Variants in NTN1 observed in about 807,000 individuals in gnomAD.
NTN1 encodes netrin-1.
In NTN1, 11 loss-of-function variants were observed where a neutral mutation model predicts 54.2. The ratio of observed to expected loss-of-function variants is 0.20; its 90% CI spans 0.13 to 0.34. NTN1 has a LOEUF of 0.34. Among genes scored for constraint, NTN1 ranks in the 10% least tolerant of loss-of-function variants. The pLI, the probability that NTN1 is intolerant of heterozygous loss-of-function variation, is 1.00. For missense variants in NTN1, 740 were observed against 893.1 expected, an observed-to-expected ratio of 0.83 and a Z score of 2.18; for synonymous variants, 371 against 382.0, an observed-to-expected ratio of 0.97 and a Z score of 0.33.
intron 2 of NTN1, among the ~76,000 whole-genome samples, chr17:9,048,679 CAG>C (rs1433642562): frequency 2.0e-5 from 3 of 150,704 alleles, no homozygotes; most frequent in African/African-American, 7.3e-5. Flanking sequence ...TTTTTTGAGA[CAG>C]AGTCTTGCTC....
chr17:9,034,568 G>A (rs1197683568), intron 2 of NTN1, among the ~76,000 whole-genome samples: 9 of 151,428 alleles, frequency 5.9e-5, no homozygotes, highest in Admixed American at 3.3e-4. Flanking sequence ...GATTACAGGC[G>A]TGCACCACCA....
chr17:9,125,304 G>A (rs1431113182), intron 2 of NTN1, among the ~76,000 whole-genome samples: 30 of 151,726 alleles, frequency 2.0e-4, no homozygotes, highest in Admixed American at 1.8e-3. Context: ...TAGGCTGACC[G>A]TAACCTCCGC....
intron 6 of NTN1, among the ~76,000 whole-genome samples, chr17:9,234,780 A>AG (rs1370849253): frequency 6.6e-6 from 1 of 152,224 alleles, no homozygotes; most frequent in Non-Finnish European, 1.5e-5. Context: ...AACCAGAAGC[A>AG]GCAGCAGGCG....
At chr17:9,060,958 G>A (rs1156661660) in intron 2 of NTN1, among the ~76,000 whole-genome samples, 2 of 103,440 alleles carry the variant, frequency 1.9e-5, no homozygotes, top group African/African-American at 8.0e-5. Context: ...CCTGGTGACA[G>A]AGCAAGACTC....
At chr17:9,169,938 G>A (rs2092383079) in intron 3 of NTN1, among the ~76,000 whole-genome samples, 1 of 152,214 alleles carries the variant, frequency 6.6e-6, no homozygotes, top group African/African-American at 2.4e-5. Context: ...AAAGACTCCT[G>A]ATCATTGAGC....
Position 9,239,548 on chromosome 17 carries a change from C to T in NTN1, c.1487-92C>T. ...CACTCTGTGCAGTCACTTCCTGGGGCTGGGTCTCCTTTCCCTTCTCCCCAG... is the reference window on the plus strand; with the variant it reads ...CACTCTGTGCAGTCACTTCCTGGGGTTGGGTCTCCTTTCCCTTCTCCCCAG... On this transcript the variant is annotated intron_variant, in intron 6 of 6. Transcript: ENST00000173229. This position sits in a 1 kb window ranked among gnomAD's most constrained non-coding sequence, Gnocchi z 5.2. The T allele has an allele frequency of 7.7e-7, 1 of 1,292,584 alleles. No individual in the cohort carries two copies. The highest frequency in any genetic ancestry group is 2.4e-5 in the East Asian group (1 of 42,192). The allele number at this position is 1,292,584 out of a possible 1,614,324, so 80.1% of individuals were successfully genotyped here. A position where few individuals can be genotyped will look rare whatever the true frequency, so the allele number is the denominator to read the frequency against.
intron 2 of NTN1, among the ~76,000 whole-genome samples, chr17:9,160,045 C>G (rs775145185): frequency 9.2e-5 from 14 of 152,300 alleles, no homozygotes; most frequent in Non-Finnish European, 1.8e-4. Context: ...TTAAATGCCT[C>G]CACTTCCAAC....
In NTN1 at chr17:9,075,433, G is replaced by A. The variant is rs185329452; in HGVS notation, c.1018+52042G>A. Among the ~76,000 whole-genome samples the A allele has an allele frequency of 3.2e-3, 488 of 152,260 alleles. 2 individuals are homozygous for A. Among genetic ancestry groups the A allele is most frequent in the African/African-American group, 0.011 (465 of 41,548 alleles). The stretch of plus-strand genomic sequence containing the variant: ...GAAGGTGGAGGTTGTAGTGAGCCAA[G>A]ATCACGCCACTGCACTCCAGCTGGG... On this transcript the variant is annotated intron_variant, in intron 2 of 6. Transcript: ENST00000173229.
At chr17:9,003,158 G>A in the NTN1 span, among the ~76,000 whole-genome samples, 1 of 152,108 alleles carries the variant, frequency 6.6e-6, no homozygotes, top group Non-Finnish European at 1.5e-5. The surrounding 1 kb of genome is among the most constrained non-coding windows in gnomAD (Gnocchi z 7.4). Context: ...AGTGCCACCC[G>A]CGGATCCCGA....
intron 2 of NTN1, among the ~76,000 whole-genome samples, chr17:9,146,589 TGGGTCTTTAGACACACCCTGG>T (rs150233992): frequency 0.067 from 9,976 of 149,592 alleles, 759 homozygotes; most frequent in African/African-American, 0.2. Flanking sequence ...AGGGGACCTG[TGGGTCTTTAGACACACCCTGG>T]GGGTCTTTAG....
intron 2 of NTN1, among the ~76,000 whole-genome samples, chr17:9,044,100 C>T (rs1227311580): frequency 6.6e-6 from 1 of 152,118 alleles, no homozygotes; most frequent in Non-Finnish European, 1.5e-5. Context: ...ACTGTTTTTA[C>T]AATGACTGTG....
intron 2 of NTN1, among the ~76,000 whole-genome samples, chr17:9,088,482 A>G (rs6503179): frequency 0.78 from 118,895 of 151,898 alleles, 46,829 homozygotes; most frequent in East Asian, 1. Flanking sequence ...CCTCCAAAGC[A>G]AGCCGCTCTA....
intron 2 of NTN1, among the ~76,000 whole-genome samples, chr17:9,048,164 G>C (rs1007842528): frequency 6.6e-6 from 1 of 152,226 alleles, no homozygotes; most frequent in Non-Finnish European, 1.5e-5. Flanking sequence ...ATAAAGGCTT[G>C]AAAGTAGAAA....
chr17:9,023,977 A>T (rs1293170561), intron 2 of NTN1, among the ~76,000 whole-genome samples: 1 of 152,266 alleles, frequency 6.6e-6, no homozygotes, highest in Non-Finnish European at 1.5e-5. Flanking sequence ...TTAGCAAAAG[A>T]AGAATGATGT....
At chr17:9,055,159 C>T (rs560672944) in intron 2 of NTN1, among the ~76,000 whole-genome samples, 2 of 152,336 alleles carry the variant, frequency 1.3e-5, no homozygotes, top group South Asian at 4.1e-4. Flanking sequence ...AGAGACACTT[C>T]TGCACATCTT....
intron 2 of NTN1, among the ~76,000 whole-genome samples, chr17:9,127,664 A>C (rs775054471): frequency 1.3e-5 from 2 of 151,614 alleles, no homozygotes; most frequent in Admixed American, 1.3e-4. Flanking sequence ...GCAAGTGACC[A>C]GGTACCCCAG....
At chr17:9,130,212 C>T (rs538407951) in intron 2 of NTN1, among the ~76,000 whole-genome samples, 2 of 152,204 alleles carry the variant, frequency 1.3e-5, no homozygotes, top group Admixed American at 6.5e-5. Flanking sequence ...GTGAAGGGAG[C>T]AGGGCAGATT....
In NTN1 at chr17:9,087,608, C is replaced by G. The variant is rs574179494; in HGVS notation, c.1018+64217C>G. Among the ~76,000 whole-genome samples the G allele has an allele frequency of 5.9e-5, 9 of 152,224 alleles. No homozygotes were observed. In the East Asian group the frequency reaches 1.7e-3, roughly 29 times the overall value. On this transcript the variant is annotated intron_variant, in intron 2 of 6. Transcript: ENST00000173229. ...GTAGGAGTTTGAAGCATTCATTGCT[C>G]CCACATACCAGAGTCCTGGGATCCT...
At chr17:9,177,447 C>A (rs144396033) in intron 3 of NTN1, 1 of 152,234 alleles carries the variant, frequency 6.6e-6, no homozygotes, top group African/African-American at 2.4e-5. Context: ...GTGCAGTGAC[C>A]GAGCAACCTT....
Sources: gnomAD v4.1 joint callset for allele counts (sites outside exome capture counted in the v4.1 genomes callset) on GRCh38, gnomAD v4.1.1 for gene constraint, Gnocchi (gnomAD v3.1) non-coding constraint, MANE v1.5 for transcripts, NCBI Gene and HGNC (gene_info 2026-07-23, HGNC 2026-07-21) for gene names.